ADAMTS14: variants seen among roughly 807,000 people sequenced by gnomAD.
The protein encoded by ADAMTS14 is ADAM metallopeptidase with thrombospondin type 1 motif 14, also known as A disintegrin and metalloproteinase with thrombospondin motifs 14.
Under a neutral mutation model 128.6 loss-of-function variants are expected in ADAMTS14, and 100 were observed. That is an observed-to-expected ratio of 0.78 (90% CI 0.66 to 0.92). The LOEUF (loss-of-function observed/expected upper bound fraction) is 0.92. Among genes scored for constraint, ADAMTS14 ranks in the 40% least tolerant of loss-of-function variants. The pLI is 0.00. For synonymous variants in ADAMTS14, 665 were observed against 653.8 expected (o/e 1.02, Z -0.26); for missense variants, 1,562 against 1,658.6 (o/e 0.94, Z 1.01).
At chr10:70,724,944 T>G (rs1291580879) in intron 4 of ADAMTS14, among the ~76,000 whole-genome samples, 1 of 152,242 alleles carries the variant, frequency 6.6e-6, no homozygotes, top group Non-Finnish European at 1.5e-5. Flanking sequence ...GCTTCCTTTT[T>G]GGGATCATTT....
chr10:70,687,386 T>C (rs1840008394), intron 2 of ADAMTS14, among the ~76,000 whole-genome samples: 1 of 47,098 alleles, frequency 2.1e-5, no homozygotes, highest in African/African-American at 7.1e-5. Context: ...GCAGAGGGGC[T>C]CCTCACTTCC....
chr10:70,740,890 T>A, intron 11 of ADAMTS14, 97 bp from the exon 12 acceptor site: 1 of 1,311,356 alleles, frequency 7.6e-7, no homozygotes, highest in Non-Finnish European at 1.1e-6. Flanking sequence ...CATGCTATTA[T>A]GAATGGCTGA....
rs1842625030 is a variant in ADAMTS14, at chr10:70,762,128, G to A, written c.*1275G>A. On this transcript the variant is annotated 3_prime_UTR_variant, in exon 22 of 22. Transcript: ENST00000373207. Reference sequence around the variant, plus strand: ...GGTCCCAGGACACCTCCGGGGTCTTGGAGGATGTCTCCTAAACTCCTGCCA... The same window carrying A: ...GGTCCCAGGACACCTCCGGGGTCTTAGAGGATGTCTCCTAAACTCCTGCCA... The A allele has an allele frequency of 2.0e-5, 3 of 151,584 alleles. No homozygotes were observed. Among genetic ancestry groups the A allele is most frequent in the Admixed American group, 6.6e-5 (1 of 15,180 alleles). 9.4% of individuals were successfully genotyped at this position (151,584 alleles called of 1,614,324 possible).
intron 4 of ADAMTS14, among the ~76,000 whole-genome samples, chr10:70,710,949 C>A (rs985711235): frequency 6.6e-6 from 1 of 152,216 alleles, no homozygotes. Context: ...GGTCCATAAT[C>A]TGGCTGCACC....
intron 12 of ADAMTS14, among the ~76,000 whole-genome samples, chr10:70,742,132 C>T (rs1355679675): frequency 1.3e-5 from 2 of 152,172 alleles, no homozygotes; most frequent in East Asian, 3.9e-4. Flanking sequence ...TCCAGAGCAT[C>T]CTTGCAGGGG....
intron 11 of ADAMTS14, 71 bp downstream of exon 11, chr10:70,739,061 G>A (rs1841917374): frequency 6.6e-7 from 1 of 1,520,806 alleles, no homozygotes; most frequent in Non-Finnish European, 8.8e-7. Flanking sequence ...GGAGGGGAAG[G>A]CACTGGGGAG....
intron 1 of ADAMTS14, among the ~76,000 whole-genome samples, chr10:70,674,004 C>T (rs986210295): frequency 3.3e-5 from 5 of 152,214 alleles, no homozygotes; most frequent in Non-Finnish European, 7.3e-5. Context: ...AGTTTTCTTT[C>T]TAACCTTGGA....
At chr10:70,731,992 C>T (rs1013631741) in intron 6 of ADAMTS14, among the ~76,000 whole-genome samples, 8 of 152,128 alleles carry the variant, frequency 5.3e-5, no homozygotes, top group African/African-American at 1.2e-4. Flanking sequence ...TTTGCAGGCC[C>T]GGGTGTTCTC....
At chr10:70,715,287 A>T (rs1841003192) in intron 4 of ADAMTS14, among the ~76,000 whole-genome samples, 1 of 152,148 alleles carries the variant, frequency 6.6e-6, no homozygotes, top group Non-Finnish European at 1.5e-5. Flanking sequence ...TGGGGTTCCA[A>T]ATGGGCCCTC....
At chr10:70,713,192 G>C (rs1564533503) in intron 4 of ADAMTS14, among the ~76,000 whole-genome samples, 1 of 152,164 alleles carries the variant, frequency 6.6e-6, no homozygotes, top group Non-Finnish European at 1.5e-5. Flanking sequence ...CTGAGGTGTC[G>C]GCAGGTTCTG....
intron 13 of ADAMTS14, 152 bp downstream of exon 13, chr10:70,743,833 G>A: frequency 1.6e-6 from 2 of 1,275,888 alleles, no homozygotes; most frequent in Non-Finnish European, 2.1e-6. Flanking sequence ...GCTGGAAGGG[G>A]CTAATTATTG....
At chr10:70,705,566 T>A (rs913712581) in intron 3 of ADAMTS14, among the ~76,000 whole-genome samples, 2 of 152,254 alleles carry the variant, frequency 1.3e-5, no homozygotes, top group Non-Finnish European at 2.9e-5. Flanking sequence ...TTCCAGAAGA[T>A]TCCCATCCGT....
intron 4 of ADAMTS14, among the ~76,000 whole-genome samples, chr10:70,710,746 G>A (rs1236839417): frequency 1.3e-5 from 2 of 152,222 alleles, no homozygotes; most frequent in Non-Finnish European, 2.9e-5. Flanking sequence ...GTTTTGGGGA[G>A]GATGAAATGA....
chr10:70,732,460 GT>G, intron 7 of ADAMTS14, 101 bp downstream of exon 7: 8 of 1,039,270 alleles, frequency 7.7e-6, no homozygotes, highest in Non-Finnish European at 1.1e-5. Flanking sequence ...CCTGGTTCCA[GT>G]GTCCTGGGAG....
chr10:70,758,929 G>C (rs1014309435), intron 21 of ADAMTS14, among the ~76,000 whole-genome samples: 2 of 152,074 alleles, frequency 1.3e-5, no homozygotes, highest in Non-Finnish European at 2.9e-5. Context: ...TCCTTTCCTA[G>C]GTTCCATCTC....
chr10:70,759,399 C>T (rs1286996322), intron 21 of ADAMTS14, among the ~76,000 whole-genome samples: 1 of 152,170 alleles, frequency 6.6e-6, no homozygotes, highest in East Asian at 1.9e-4. Context: ...AAGCAAAGCT[C>T]CTGCCTTCAC....
chr10:70,706,869 C>T (rs369516540), intron 3 of ADAMTS14, among the ~76,000 whole-genome samples: 6 of 152,364 alleles, frequency 3.9e-5, no homozygotes, highest in Admixed American at 6.5e-5. Context: ...AGCGTAGAGG[C>T]GGCTCGGGTC....
rs1489955197 is a variant in ADAMTS14, at chr10:70,728,855, G to A, written c.871-439G>A. ...GAGTGCCCACTGCTGCCTCCCCAGG[G>A]CCGGGGTACTGTAGGGCAGACATTA... On this transcript the variant is annotated intron_variant, in intron 4 of 21. Coordinates refer to ENST00000373207, the MANE Select transcript of ADAMTS14 (RefSeq NM_080722.4). Among the ~76,000 whole-genome samples the A allele has an allele frequency of 4.6e-5, 7 of 152,206 alleles. No individual in the cohort carries two copies. The East Asian group carries it at 1.3e-3, about 29-fold the overall frequency.
intron 21 of ADAMTS14, 100 bp from the exon 22 acceptor site, chr10:70,760,260 G>T: frequency 6.9e-7 from 1 of 1,454,568 alleles, no homozygotes; most frequent in Non-Finnish European, 9.1e-7. Flanking sequence ...AGGGGCAGGG[G>T]TGGAGGGCGG....
Sources: gnomAD v4.1 joint callset for allele counts (sites outside exome capture counted in the v4.1 genomes callset) on GRCh38, gnomAD v4.1.1 for gene constraint, MANE v1.5 for transcripts, NCBI Gene and HGNC (gene_info 2026-07-23, HGNC 2026-07-21) for gene names.